The following DCC variants were observed in gnomAD, a reference collection of about 807,000 sequenced individuals.
The protein encoded by DCC is netrin receptor DCC.
Under a neutral mutation model 172.5 loss-of-function variants are expected in DCC, and 58 were observed. The observed-to-expected ratio is 0.34, with a 90% confidence interval of 0.27 to 0.42. The LOEUF is 0.42. DCC is among the 10% of genes least tolerant of loss of function. The probability of loss-of-function intolerance (pLI) is 1.00; values close to 1 mark genes in which losing one functional copy is unlikely to be tolerated. For missense variants in DCC, 1,740 were observed against 1,791.0 expected (o/e 0.97, Z 0.51); for synonymous variants, 709 against 644.5 (o/e 1.10, Z -1.52).
intron 5 of DCC, among the ~76,000 whole-genome samples, chr18:52,932,660 G>A (rs1168430031): frequency 6.6e-6 from 1 of 152,096 alleles, no homozygotes; most frequent in Non-Finnish European, 1.5e-5. Context: ...GTGTTAAGTA[G>A]AGTTCTCTCT....
chr18:52,463,426 A>G (rs1023198041), intron 1 of DCC, among the ~76,000 whole-genome samples: 3 of 152,194 alleles, frequency 2.0e-5, no homozygotes, highest in Admixed American at 1.3e-4. Flanking sequence ...GTTTAGGGAC[A>G]TAGCCACAAT....
At chr18:52,914,160 G>A (rs2040007910) in intron 3 of DCC, among the ~76,000 whole-genome samples, 1 of 151,594 alleles carries the variant, frequency 6.6e-6, no homozygotes, top group African/African-American at 2.4e-5. Context: ...ACATCATAAT[G>A]GCAACATTTG....
intron 1 of DCC, among the ~76,000 whole-genome samples, chr18:52,611,134 C>A (rs55810244): frequency 0.19 from 29,418 of 151,930 alleles, 2,964 homozygotes; most frequent in South Asian, 0.26. Context: ...CTTCAGTGAC[C>A]CCCCCCTCCT....
chr18:53,185,316 A>G (rs1270957642), intron 9 of DCC, among the ~76,000 whole-genome samples: 1 of 152,118 alleles, frequency 6.6e-6, no homozygotes, highest in Non-Finnish European at 1.5e-5. Flanking sequence ...TGGGTTGTTT[A>G]ATCACCTCTA....
intron 3 of DCC, among the ~76,000 whole-genome samples, chr18:52,913,701 C>G (rs2040001495): frequency 6.6e-6 from 1 of 151,882 alleles, no homozygotes. Context: ...TCTCATGAGG[C>G]CAAAATATGG....
intron 7 of DCC, among the ~76,000 whole-genome samples, chr18:53,087,068 G>A (rs1036830386): frequency 2.0e-5 from 3 of 151,916 alleles, no homozygotes; most frequent in Non-Finnish European, 4.4e-5. Flanking sequence ...ACATACGTGT[G>A]CATGTGTCTT....
rs1006746804 is a variant in DCC, at chr18:52,340,250, C to A, written c.-538C>A. The stretch of plus-strand genomic sequence containing the variant: ...AAGTGAGAGCGCTCCACCCCGCAGT[C>A]CCCCCCGCCTCTCCTCCCTGGGTCC... On this transcript the variant is annotated 5_prime_UTR_variant, in exon 1 of 29. Transcript: ENST00000442544. 8 of 193,508 alleles carry A rather than the reference C, an allele frequency of 4.1e-5. No individual in the cohort carries two copies. Among genetic ancestry groups the A allele is most frequent in the East Asian group, 2.4e-4 (2 of 8,340 alleles). The allele number at this position is 193,508 out of a possible 1,614,324, so 12.0% of individuals were successfully genotyped here.
At chr18:52,585,908 C>A (rs1348278354) in intron 1 of DCC, among the ~76,000 whole-genome samples, 1 of 151,836 alleles carries the variant, frequency 6.6e-6, no homozygotes, top group African/African-American at 2.4e-5. Flanking sequence ...ACGGTGAAAC[C>A]CCGTCTCTAC....
chr18:53,182,899 A>G (rs1432342391), intron 9 of DCC, among the ~76,000 whole-genome samples: 1 of 152,038 alleles, frequency 6.6e-6, no homozygotes, highest in African/African-American at 2.4e-5. Flanking sequence ...TGGTTTTATG[A>G]CTTCGCTAGA....
intron 26 of DCC, among the ~76,000 whole-genome samples, chr18:53,498,737 A>G (rs997834974): frequency 6.6e-6 from 1 of 152,226 alleles, no homozygotes; most frequent in Admixed American, 6.5e-5. Flanking sequence ...TGGCAGAGTC[A>G]TCTCTCATAT....
At chr18:52,805,419 T>TA (rs966541471) in intron 2 of DCC, among the ~76,000 whole-genome samples, 12 of 151,994 alleles carry the variant, frequency 7.9e-5, no homozygotes, top group East Asian at 3.9e-4. Context: ...ATGGTCTAGA[T>TA]AAAAAAAATT....
chr18:53,158,988 CAAAA>C (rs558049091), intron 8 of DCC, among the ~76,000 whole-genome samples: 11 of 52,370 alleles, frequency 2.1e-4, no homozygotes, highest in South Asian at 1.3e-3. Flanking sequence ...GACGCCATCT[CAAAA>C]AAAAAAAAAA....
chr18:53,140,786 T>A (rs542417964), intron 7 of DCC, among the ~76,000 whole-genome samples: 1 of 152,124 alleles, frequency 6.6e-6, no homozygotes, highest in African/African-American at 2.4e-5. Context: ...GATTAAAGAT[T>A]GGAAAGGGAA....
intron 5 of DCC, among the ~76,000 whole-genome samples, chr18:52,927,092 T>TTGGC (rs1342117094): frequency 1.8e-5 from 2 of 113,006 alleles, no homozygotes; most frequent in Non-Finnish European, 3.8e-5. Context: ...TATACACGTA[T>TTGGC]ATACGTGTAT....
At chr18:53,366,783 C>G (rs1156912398) in intron 15 of DCC, among the ~76,000 whole-genome samples, 1 of 152,156 alleles carries the variant, frequency 6.6e-6, no homozygotes, top group Non-Finnish European at 1.5e-5. Flanking sequence ...GAGTTCTGGC[C>G]AGTGAAGGTG....
rs2042403017 is a variant in DCC at position 53,056,307 on chromosome 18, C to A, written c.986-6998C>A. On this transcript the variant is annotated intron_variant, in intron 5 of 28. Coordinates refer to ENST00000442544, the MANE Select transcript of DCC (RefSeq NM_005215.4). ...CTATCATGAGAACAGCATGGGGGAA[C>A]TGCCCCTATGATCCAGTCATCTCCC... Among the ~76,000 whole-genome samples, 4 of 152,080 alleles carry A rather than the reference C, an allele frequency of 2.6e-5. No homozygotes were observed. The South Asian group carries it at 8.3e-4, about 31-fold the overall frequency.
At chr18:53,249,306 A>G (rs1690188054) in intron 12 of DCC, among the ~76,000 whole-genome samples, 1 of 151,994 alleles carries the variant, frequency 6.6e-6, no homozygotes, top group Non-Finnish European at 1.5e-5. Context: ...ATAAATTGCC[A>G]ATGTATGTGT....
At chr18:53,372,875 G>C (rs77407603) in intron 15 of DCC, among the ~76,000 whole-genome samples, 1 of 152,142 alleles carries the variant, frequency 6.6e-6, no homozygotes, top group South Asian at 2.1e-4. Context: ...CTGAAAGTCA[G>C]AGACCATGTG....
chr18:53,071,785 A>G (rs1249972922), intron 7 of DCC, among the ~76,000 whole-genome samples: 1 of 152,210 alleles, frequency 6.6e-6, no homozygotes, highest in Admixed American at 6.5e-5. Flanking sequence ...AGACATTATT[A>G]CTGCAAGTAT....
Sources: allele counts gnomAD v4.1 joint callset (sites outside exome capture counted in the v4.1 genomes callset), GRCh38; gene constraint gnomAD v4.1.1; transcripts MANE v1.5; gene names NCBI Gene and HGNC (gene_info 2026-07-23, HGNC 2026-07-21).